Variants in C11orf24 observed in about 807,000 individuals in gnomAD.
C11orf24 encodes the protein uncharacterized protein C11orf24.
A neutral mutation model predicts 7.3 loss-of-function variants in C11orf24; 5 were observed. That is an observed-to-expected ratio of 0.69 (90% confidence interval 0.36 to 1.45). The LOEUF (loss-of-function observed/expected upper bound fraction) is 1.45, where lower values mean the gene tolerates loss of function less well. Ranked by LOEUF, C11orf24 falls within the 40% of genes most tolerant of loss-of-function variation. The pLI is 0.03. For synonymous variants in C11orf24, 233 were observed against 235.7 expected (o/e 0.99, Z 0.11); for missense variants, 566 against 590.5 (o/e 0.96, Z 0.43).
rs377301734 is a variant in C11orf24 at position 68,270,742 on chromosome 11, C to T, written c.-298+1115G>A. Among the ~76,000 whole-genome samples, 4 of 152,198 alleles carry T rather than the reference C, an allele frequency of 2.6e-5. No individual in the cohort carries two copies. The East Asian group carries it at 5.8e-4, about 22-fold the overall frequency. On this transcript the variant is annotated intron_variant, in intron 1 of 3. Coordinates refer to ENST00000304271, the MANE Select transcript of C11orf24 (RefSeq NM_022338.4). The stretch of plus-strand genomic sequence containing the variant: ...TCACTCAGCCGCAACATGGCCAGGC[C>T]CCCACACCAAGTTAGGCAAGCTACA...
At chr11:68,268,457 C>T (rs1297468643) in intron 1 of C11orf24, among the ~76,000 whole-genome samples, 7 of 152,140 alleles carry the variant, frequency 4.6e-5, no homozygotes, top group Admixed American at 2.0e-4. Context: ...TTTGGGAGGC[C>T]GAGGCTAGTG....
chr11:68,264,596 GTCCATCCA>G (rs1158464819), intron 2 of C11orf24, among the ~76,000 whole-genome samples: 3 of 9,584 alleles, frequency 3.1e-4, no homozygotes, highest in African/African-American at 1.4e-3. Context: ...CCATCCATAA[GTCCATCCA>G]TCCATCCATC....
intron 1 of C11orf24, among the ~76,000 whole-genome samples, chr11:68,270,742 C>A (rs377301734): frequency 6.6e-6 from 1 of 152,080 alleles, no homozygotes; most frequent in Non-Finnish European, 1.5e-5. Context: ...ATGGCCAGGC[C>A]CCCACACCAA....
intron 2 of C11orf24, among the ~76,000 whole-genome samples, chr11:68,264,777 C>A (rs1356339589): frequency 6.7e-6 from 1 of 149,416 alleles, no homozygotes; most frequent in African/African-American, 2.5e-5. Flanking sequence ...AGGCAGTACA[C>A]TTAGGACAAA....
At chr11:68,270,441 C>T (rs758786019) in intron 1 of C11orf24, among the ~76,000 whole-genome samples, 12 of 152,142 alleles carry the variant, frequency 7.9e-5, no homozygotes, top group Non-Finnish European at 1.5e-4. Context: ...TTATATGTGG[C>T]GCACTTTATG....
intron 2 of C11orf24, among the ~76,000 whole-genome samples, chr11:68,264,653 T>A (rs1468779474): frequency 1.1e-4 from 3 of 26,918 alleles, no homozygotes. Context: ...CATCCATCCA[T>A]CCACCCACCA....
At position 68,262,474 on chromosome 11, in the gene C11orf24, G is replaced by A; in HGVS notation, c.521C>T (p.Thr174Ile). The A allele has an allele frequency of 1.2e-6, 2 of 1,614,122 alleles. No individual in the cohort carries two copies. The highest frequency in any genetic ancestry group is 2.2e-5 in the East Asian group (1 of 44,892). The stretch of plus-strand genomic sequence containing the variant: ...GGCGGTAGTGGACGGGGTCCGCCCT[G>A]TGGAAGTGGACGTGGGCGCGGGGAG... Reference protein sequence around the residue: ...LALPAPTSTSTGRTPSTTATG... With the variant: ...LALPAPTSTSIGRTPSTTATG... The change falls in exon 4 of 4, where the codon ACA becomes ATA. Residue 174 changes from threonine to isoleucine, a missense_variant. By Grantham distance (89) the Thr-to-Ile change is moderately conservative. Transcript: ENST00000304271.
chr11:68,263,039 G>A (rs957751844), intron 3 of C11orf24, 121 bp from the exon 4 acceptor site: 3 of 773,636 alleles, frequency 3.9e-6, no homozygotes, highest in East Asian at 2.7e-5. Context: ...AGCCAGAGTC[G>A]GGGGAGGTGA....
intron 2 of C11orf24, chr11:68,267,216 C>G (rs2098565648): frequency 6.6e-6 from 1 of 152,254 alleles, no homozygotes; most frequent in African/African-American, 2.4e-5. Context: ...GCTTCAGGGA[C>G]CGTGCTCCAG....
rs1171375355 is a variant in C11orf24 at position 68,271,952 on chromosome 11, G to T, written c.-393C>A. The T allele has an allele frequency of 2.0e-5, 3 of 152,186 alleles. No homozygotes were observed. The highest frequency in any genetic ancestry group is 4.4e-5 in the Non-Finnish European group (3 of 68,030). The allele number at this position is 152,186 out of a possible 1,614,324, so 9.4% of individuals were successfully genotyped here. On this transcript the variant is annotated 5_prime_UTR_variant, in exon 1 of 4. Coordinates refer to ENST00000304271, the MANE Select transcript of C11orf24 (RefSeq NM_022338.4). ...GGACGTGGCCGGCAGCGCAACCCAG[G>T]CAGCTCCGGGCAGCGCGCCCTGCCC...
Position 68,262,023 on chromosome 11 carries a change from T to C in C11orf24, c.972A>G (p.Thr324=), listed in dbSNP as rs770106326. The change falls in exon 4 of 4, where the codon ACA becomes ACG. Residue 324 remains threonine (T), a synonymous_variant. Coordinates refer to ENST00000304271, the MANE Select transcript of C11orf24 (RefSeq NM_022338.4). ...IPEMEAMSPT[T]QPSPMPYTQR... is the part of the protein sequence containing the mutation. ...GGGTATATGGCATGGGGCTTGGCTG[T>C]GTCGTGGGGGACATGGCCTCCATCT... 6.2e-7 allele frequency: 1 copy of C among 1,614,016 alleles called. No individual in the cohort carries two copies. The highest frequency in any genetic ancestry group is 1.1e-5 in the South Asian group (1 of 91,088).
rs148138297 is a variant in C11orf24, at chr11:68,261,995, T to A, written c.1000A>T (p.Arg334Trp). ...TQPSPMPYTQRAAGPGTSQAP... is the reference protein window; with the variant it reads ...TQPSPMPYTQWAAGPGTSQAP... ...TGGGATGTGCCTGGCCCAGCGGCCCTCTGGGTATATGGCATGGGGCTTGGC... is the reference window on the plus strand; with the variant it reads ...TGGGATGTGCCTGGCCCAGCGGCCCACTGGGTATATGGCATGGGGCTTGGC... Residue 334 changes from arginine to tryptophan, a missense_variant, in exon 4 of 4, where the codon AGG becomes TGG. By Grantham distance (101) the Arg-to-Trp change is moderately radical. Coordinates refer to ENST00000304271, the MANE Select transcript of C11orf24 (RefSeq NM_022338.4). The A allele has an allele frequency of 1.4e-4, 229 of 1,614,038 alleles. 1 individual carries two copies. In the African/African-American group the frequency reaches 2.6e-3, roughly 18 times the overall value.
At chr11:68,267,538 C>A (rs1384018531) in intron 2 of C11orf24, 1 of 152,234 alleles carries the variant, frequency 6.6e-6, no homozygotes, top group Non-Finnish European at 1.5e-5. Flanking sequence ...TCATGGGCCA[C>A]CACCCCAGTC....
Position 68,262,035 on chromosome 11 carries a change from C to A in C11orf24, c.960G>T (p.Met320Ile). Residue 320 changes from methionine to isoleucine, a missense_variant, in exon 4 of 4, where the codon ATG becomes ATT. Met to Ile is a conservative substitution (Grantham distance 10). Transcript: ENST00000304271. ...TGGGGCTTGGCTGTGTCGTGGGGGA[C>A]ATGGCCTCCATCTCAGGGATTGGGC... ...HTSPIPEMEA[M>I]SPTTQPSPMP... The A allele has an allele frequency of 4.3e-6, 7 of 1,613,966 alleles. No homozygotes were observed. The highest frequency in any genetic ancestry group is 5.9e-6 in the Non-Finnish European group (7 of 1,180,004).
At chr11:68,266,684 G>C (rs907353482) in intron 2 of C11orf24, among the ~76,000 whole-genome samples, 1 of 152,050 alleles carries the variant, frequency 6.6e-6, no homozygotes, top group Non-Finnish European at 1.5e-5. Context: ...GGAAGGTTTC[G>C]GGCACAAAGA....
intron 2 of C11orf24, among the ~76,000 whole-genome samples, chr11:68,264,621 TCCAC>T (rs1565291064): frequency 1.2e-4 from 13 of 112,632 alleles, no homozygotes; most frequent in East Asian, 2.7e-4. Flanking sequence ...CATCCATCCA[TCCAC>T]CCATCCATCC....
In C11orf24 at chr11:68,261,448, A is replaced by C; in HGVS notation, c.*197T>G. ...CCCAGCTGCTCCTGGGCACAGAATC[A>C]TTTACAAAAATAAATATGAAAAAAG... is the stretch of plus-strand genomic sequence containing the variant. On this transcript the variant is annotated 3_prime_UTR_variant, in exon 4 of 4. Transcript: ENST00000304271. 1.7e-6 allele frequency: 1 copy of C among 580,780 alleles called. No individual in the cohort carries two copies. The highest frequency in any genetic ancestry group is 3.0e-6 in the Non-Finnish European group (1 of 336,232). 36.0% of individuals were successfully genotyped at this position (580,780 alleles called of 1,614,324 possible).
rs760530591 is a variant in C11orf24 at position 68,261,748 on chromosome 11, A to C, written c.1247T>G (p.Val416Gly). The C allele has an allele frequency of 6.2e-7, 1 of 1,614,232 alleles. No individual in the cohort carries two copies. Among genetic ancestry groups the C allele is most frequent in the Non-Finnish European group, 8.5e-7 (1 of 1,180,054 alleles). Reference sequence around the variant, plus strand: ...GGCCTGCAGGGCAAACAAAACCAAGACTGTGATGAAAAGGGTCACCCCGAG... The same window carrying C: ...GGCCTGCAGGGCAAACAAAACCAAGCCTGTGATGAAAAGGGTCACCCCGAG... ...LLLGVTLFIT[V>G]LVLFALQAYE... is the part of the protein sequence containing the mutation. Residue 416 changes from valine (V) to glycine (G), a missense_variant, in exon 4 of 4, where the codon GTC becomes GGC. Coordinates refer to ENST00000304271, the MANE Select transcript of C11orf24 (RefSeq NM_022338.4).
intron 3 of C11orf24, 38 bp from the exon 4 acceptor site, chr11:68,262,956 T>C (rs1025443489): frequency 1.9e-6 from 3 of 1,583,324 alleles, no homozygotes; most frequent in Non-Finnish European, 2.6e-6. Context: ...GAGACAATCA[T>C]GTTCAATCCT....
Sources: allele counts gnomAD v4.1 joint callset (sites outside exome capture counted in the v4.1 genomes callset), GRCh38; gene constraint gnomAD v4.1.1; transcripts MANE v1.5; gene names NCBI Gene and HGNC (gene_info 2026-07-23, HGNC 2026-07-21).